Variants in SUGCT observed in about 807,000 individuals in gnomAD.
The protein encoded by SUGCT is succinyl-CoA:glutarate-CoA transferase, also known as succinyl-CoA:glutarate CoA-transferase.
A neutral mutation model predicts 55.0 loss-of-function variants in SUGCT; 41 were observed. That is an observed-to-expected ratio of 0.74 (90% CI 0.58 to 0.97). SUGCT has a LOEUF of 0.97. SUGCT is among the 50% of genes least tolerant of loss of function. The pLI, the probability that SUGCT is intolerant of heterozygous loss-of-function variation, is 0.00. For missense variants in SUGCT, 568 were observed against 547.8 expected, an observed-to-expected ratio of 1.04 and a Z score of -0.37; for synonymous variants, 187 against 200.4, an observed-to-expected ratio of 0.93 and a Z score of 0.56.
the SUGCT span, among the ~76,000 whole-genome samples, chr7:40,893,323 A>G: frequency 6.6e-6 from 1 of 152,226 alleles, no homozygotes; most frequent in African/African-American, 2.4e-5. Context: ...CAAATGTTAT[A>G]GATCAAATGG....
At chr7:40,886,124 G>A in the SUGCT span, among the ~76,000 whole-genome samples, 1 of 152,150 alleles carries the variant, frequency 6.6e-6, no homozygotes, top group Non-Finnish European at 1.5e-5. Flanking sequence ...TTGAAATGAG[G>A]CAAAATAGTG....
intron 12 of SUGCT, among the ~76,000 whole-genome samples, chr7:40,508,551 G>C (rs912532263): frequency 7.2e-5 from 11 of 152,276 alleles, no homozygotes; most frequent in African/African-American, 2.4e-4. Flanking sequence ...GTAATGCAGA[G>C]GTGTAGAGCT....
intron 9 of SUGCT, among the ~76,000 whole-genome samples, chr7:40,395,310 G>A (rs1785662107): frequency 6.6e-6 from 1 of 151,832 alleles, no homozygotes; most frequent in Admixed American, 6.6e-5. Context: ...TCAACATGGT[G>A]AAACCTCGTC....
chr7:40,272,470 C>T (rs183980237), intron 7 of SUGCT, among the ~76,000 whole-genome samples: 6 of 150,452 alleles, frequency 4.0e-5, no homozygotes, highest in East Asian at 2.0e-4. Context: ...AGCCACTGTG[C>T]GTGAACACAT....
chr7:40,985,587 G>A, the SUGCT span, among the ~76,000 whole-genome samples: 6 of 152,110 alleles, frequency 3.9e-5, no homozygotes, highest in Admixed American at 3.9e-4. Flanking sequence ...AAGGCTGAAG[G>A]GTAAAAGCCT....
intron 12 of SUGCT, among the ~76,000 whole-genome samples, chr7:40,587,901 C>T (rs1797478228): frequency 1.4e-5 from 2 of 147,018 alleles, no homozygotes; most frequent in South Asian, 2.1e-4. Flanking sequence ...TTCTTTCTTT[C>T]TGTTTTTTTT....
intron 6 of SUGCT, among the ~76,000 whole-genome samples, chr7:40,197,495 T>G: frequency 6.6e-6 from 1 of 152,214 alleles, no homozygotes; most frequent in East Asian, 1.9e-4. Context: ...ACAGACTGGT[T>G]AGGTTTGGCT....
intron 9 of SUGCT, among the ~76,000 whole-genome samples, chr7:40,367,560 A>G (rs1187118730): frequency 6.6e-6 from 1 of 152,020 alleles, no homozygotes; most frequent in Non-Finnish European, 1.5e-5. Flanking sequence ...TTTTTCTGAG[A>G]AAAGAAATGT....
intron 8 of SUGCT, among the ~76,000 whole-genome samples, chr7:40,274,993 G>T (rs1792367768): frequency 6.6e-6 from 1 of 152,016 alleles, no homozygotes; most frequent in Non-Finnish European, 1.5e-5. Flanking sequence ...TAGAGATGGG[G>T]TTTCTCCATG....
chr7:40,402,692 G>A (rs940805238), intron 9 of SUGCT, among the ~76,000 whole-genome samples: 1 of 151,904 alleles, frequency 6.6e-6, no homozygotes, highest in South Asian at 2.1e-4. Context: ...ATTTTAATAA[G>A]AGCTATATTA....
At chr7:40,405,765 G>A (rs998477196) in intron 9 of SUGCT, among the ~76,000 whole-genome samples, 7 of 144,464 alleles carry the variant, frequency 4.8e-5, no homozygotes, top group African/African-American at 1.3e-4. Flanking sequence ...AGCGGAGATA[G>A]CGCCACTGTA....
the SUGCT span, among the ~76,000 whole-genome samples, chr7:40,990,673 A>G: frequency 6.6e-6 from 1 of 152,222 alleles, no homozygotes; most frequent in Admixed American, 6.5e-5. Flanking sequence ...TCCACATAGC[A>G]AATTTGTTTA....
chr7:40,524,222 T>C (rs1186243208), intron 12 of SUGCT, among the ~76,000 whole-genome samples: 1 of 152,164 alleles, frequency 6.6e-6, no homozygotes, highest in Non-Finnish European at 1.5e-5. Context: ...ATTTTATATG[T>C]TGATATTGTT....
chr7:40,690,402 C>T lies in SUGCT; in HGVS notation c.1090-59032C>T, dbSNP rs62451218. On this transcript the variant is annotated intron_variant, in intron 12 of 13. Transcript: ENST00000335693. ...AATCAAATATTATCTTTCGTAAGCA[C>T]TTACTTCTTCCCTATGCCTAATTAT... Among the ~76,000 whole-genome samples, 718 of 152,266 alleles carry T rather than the reference C, an allele frequency of 4.7e-3. 7 individuals are homozygous for T. Among genetic ancestry groups the T allele is most frequent in the Non-Finnish European group, 5.0e-3 (341 of 68,022 alleles).
intron 9 of SUGCT, among the ~76,000 whole-genome samples, chr7:40,407,738 C>G (rs1057164730): frequency 1.3e-5 from 2 of 151,982 alleles, no homozygotes. Flanking sequence ...CCCCCCTCCC[C>G]CAATTTACGA....
At chr7:41,034,908 A>G in the SUGCT span, among the ~76,000 whole-genome samples, 1 of 152,126 alleles carries the variant, frequency 6.6e-6, no homozygotes, top group Non-Finnish European at 1.5e-5. Context: ...TGAGAATTTG[A>G]ATAGCGTGGT....
intron 6 of SUGCT, among the ~76,000 whole-genome samples, chr7:40,226,194 G>GTA (rs1235312666): frequency 6.6e-6 from 1 of 152,148 alleles, no homozygotes; most frequent in Non-Finnish European, 1.5e-5. Context: ...GTAACTATCT[G>GTA]TAGGTTGGAG....
chr7:40,326,331 G>C (rs1258687408), intron 9 of SUGCT, among the ~76,000 whole-genome samples: 1 of 152,094 alleles, frequency 6.6e-6, no homozygotes, highest in Non-Finnish European at 1.5e-5. Flanking sequence ...ACTCTAGAAA[G>C]CCCTCAATAA....
chr7:40,222,986 TTTCC>T (rs200277908), intron 6 of SUGCT, among the ~76,000 whole-genome samples: 15,134 of 93,316 alleles, frequency 0.16, 855 homozygotes, highest in East Asian at 0.28. Flanking sequence ...TTTTCATTTC[TTTCC>T]TTCCTTCCTT....
Sources: allele counts gnomAD v4.1 joint callset (sites outside exome capture counted in the v4.1 genomes callset), GRCh38; gene constraint gnomAD v4.1.1; transcripts MANE v1.5; gene names NCBI Gene and HGNC (gene_info 2026-07-23, HGNC 2026-07-21).